Variants in MMS19 observed in about 807,000 individuals in gnomAD.
MMS19 encodes the protein MMS19 cytosolic iron-sulfur assembly component.
Under a neutral mutation model 129.8 loss-of-function variants are expected in MMS19, and 77 were observed. That is an observed-to-expected ratio of 0.59 (90% CI 0.49 to 0.72). The LOEUF is 0.72. Among genes scored for constraint, MMS19 ranks in the 30% least tolerant of loss-of-function variants. The pLI, the probability that MMS19 is intolerant of heterozygous loss-of-function variation, is 0.00. For missense variants in MMS19, 1,168 were observed against 1,266.3 expected (o/e 0.92, Z 1.18); for synonymous variants, 491 against 502.8 (o/e 0.98, Z 0.31).
At chr10:97,494,438 A>G (rs1226296195) in intron 1 of MMS19, among the ~76,000 whole-genome samples, 4 of 152,194 alleles carry the variant, frequency 2.6e-5, no homozygotes, top group African/African-American at 9.7e-5. Flanking sequence ...GGAGGATGAG[A>G]AGGAGCAGGA....
intron 17 of MMS19, 27 bp from the exon 18 acceptor site, chr10:97,465,981 T>G (rs2236575): frequency 1.2e-6 from 2 of 1,612,874 alleles, no homozygotes; most frequent in African/African-American, 2.7e-5. Flanking sequence ...AGACAAAGGT[T>G]TACTGTGTGA....
intron 3 of MMS19, among the ~76,000 whole-genome samples, chr10:97,479,009 T>C (rs547762656): frequency 2.6e-5 from 4 of 151,870 alleles, no homozygotes; most frequent in African/African-American, 9.7e-5. Context: ...AGCCCAGAGG[T>C]TTAAGGCCAC....
intron 1 of MMS19, among the ~76,000 whole-genome samples, chr10:97,485,036 A>C (rs1349208981): frequency 5.3e-5 from 8 of 152,166 alleles, no homozygotes; most frequent in Admixed American, 5.2e-4. Flanking sequence ...CAGTCTCCCA[A>C]AGTGCTGGGA....
At chr10:97,471,308 T>C (rs1030142564) in intron 8 of MMS19, among the ~76,000 whole-genome samples, 3 of 152,158 alleles carry the variant, frequency 2.0e-5, no homozygotes, top group Admixed American at 6.5e-5. Context: ...GATTTCATTT[T>C]GTGGTTGTAC....
Position 97,462,092 on chromosome 10 carries a change from A to C in MMS19, c.2040T>G (p.Ile680Met), listed in dbSNP as rs1272155170. Residue 680 changes from isoleucine (I) to methionine (M), a missense_variant, in exon 21 of 31, where the codon ATT becomes ATG. Physicochemically the swap from Ile to Met is conservative, Grantham distance 10 (BLOSUM62 1). Coordinates refer to ENST00000438925, the MANE Select transcript of MMS19 (RefSeq NM_022362.5). Reference protein sequence around the residue: ...PELAAQSVTHIVPLFLDGNVS... With the variant: ...PELAAQSVTHMVPLFLDGNVS... Reference sequence around the variant, plus strand: ...CGTTGCCATCCAAGAAGAGGGGCACAATGTGTGTCACACTCTGGGCAGCTA... The same window carrying C: ...CGTTGCCATCCAAGAAGAGGGGCACCATGTGTGTCACACTCTGGGCAGCTA... The C allele has an allele frequency of 6.3e-7, 1 of 1,584,366 alleles. No individual in the cohort carries two copies. The highest frequency in any genetic ancestry group is 1.2e-5 in the South Asian group (1 of 86,376).
chr10:97,484,057 A>G, intron 2 of MMS19, 46 bp downstream of exon 2: 1 of 1,302,648 alleles, frequency 7.7e-7, no homozygotes, highest in Non-Finnish European at 1.1e-6. Flanking sequence ...TTTTCAGAAT[A>G]CACAGTCAGG....
intron 8 of MMS19, 105 bp from the exon 9 acceptor site, chr10:97,470,966 T>G: frequency 2.8e-6 from 2 of 715,244 alleles, no homozygotes; most frequent in South Asian, 5.3e-5. Flanking sequence ...TCATACCCAA[T>G]CAGGGAAGAT....
intron 1 of MMS19, among the ~76,000 whole-genome samples, chr10:97,494,797 C>T (rs559492683): frequency 6.6e-6 from 1 of 152,272 alleles, no homozygotes; most frequent in African/African-American, 2.4e-5. Flanking sequence ...TCTTAGAGTC[C>T]TCTATCTCCT....
rs1235285339 is a variant in MMS19 at position 97,494,103 on chromosome 10, A to C, written c.112+4170T>G. ...GCACTTGGACTCCTGGGATGAAGAA[A>C]GCTAACAGAGAGTTAATTTTCCTAA... On this transcript the variant is annotated intron_variant, in intron 1 of 30. Transcript: ENST00000438925. Among the ~76,000 whole-genome samples the C allele has an allele frequency of 2.6e-5, 4 of 152,356 alleles. No individual in the cohort carries two copies. The East Asian group carries it at 5.8e-4, about 22-fold the overall frequency.
At chr10:97,489,795 T>C (rs1262104082) in intron 1 of MMS19, among the ~76,000 whole-genome samples, 1 of 152,228 alleles carries the variant, frequency 6.6e-6, no homozygotes, top group African/African-American at 2.4e-5. Context: ...ATTTGTTTGA[T>C]GTTTCCCTCA....
intron 1 of MMS19, among the ~76,000 whole-genome samples, chr10:97,491,226 A>G (rs1354496409): frequency 6.6e-6 from 1 of 152,228 alleles, no homozygotes; most frequent in African/African-American, 2.4e-5. Context: ...AAAGGATATC[A>G]ATGAACTGAA....
Position 97,465,904 on chromosome 10 carries a change from G to A in MMS19, c.1657C>T (p.Leu553=). 1 of 1,614,016 alleles carries A rather than the reference G, an allele frequency of 6.2e-7. No homozygotes were observed. Among genetic ancestry groups the A allele is most frequent in the Non-Finnish European group, 8.5e-7 (1 of 1,179,894 alleles). ...GCTGACAAGGCTTGCAGACAGCACA[G>A]ATGCCGGGAGCATTGGGTGGGCTCA... ...GDEPTQCSRH[L]CCLQALSAVS... The change falls in exon 18 of 31, where the codon CTG becomes TTG. Residue 553 remains leucine, a synonymous_variant. Coordinates refer to ENST00000438925, the MANE Select transcript of MMS19 (RefSeq NM_022362.5).
At chr10:97,478,150 AG>A (rs775708385) in intron 4 of MMS19, among the ~76,000 whole-genome samples, 153 bp downstream of exon 4, 3 of 152,196 alleles carry the variant, frequency 2.0e-5, no homozygotes, top group African/African-American at 7.2e-5. Flanking sequence ...TACTCTCTAG[AG>A]GGAAAACGGA....
chr10:97,498,695 C>T (rs889775818), upstream of MMS19: 161 of 403,592 alleles, frequency 4.0e-4, no homozygotes, highest in Middle Eastern at 2.0e-3. Flanking sequence ...GCGGTACGCA[C>T]CACGGGGGAA....
At position 97,498,408 on chromosome 10, in the gene MMS19, G is replaced by T; in HGVS notation, c.-24C>A. ...ATAACGCGAACTAGAGACCGTGGGA[G>T]GGGATATGGGCGGTGGCTCGAGACG... On this transcript the variant is annotated 5_prime_UTR_variant, in exon 1 of 31. Transcript: ENST00000438925. 1 of 1,576,276 alleles carries T rather than the reference G, an allele frequency of 6.3e-7. No homozygotes were observed. The highest frequency in any genetic ancestry group is 1.1e-5 in the South Asian group (1 of 87,528).
At chr10:97,487,573 C>T (rs2038140538) in intron 1 of MMS19, among the ~76,000 whole-genome samples, 2 of 151,962 alleles carry the variant, frequency 1.3e-5, no homozygotes, top group Non-Finnish European at 2.9e-5. Flanking sequence ...CTGGCCTTGG[C>T]CTCCCAAAGT....
In MMS19 at chr10:97,458,393, T is replaced by C. The variant is rs1433137507; in HGVS notation, c.*299A>G. ...CCAGCCCTGGTCCTCAGGGCCACAC[T>C]CATATGCACTCACCCCTCAGCAGCA... On this transcript the variant is annotated 3_prime_UTR_variant, in exon 31 of 31. Transcript: ENST00000438925. 1.5e-5 allele frequency: 5 copies of C among 341,488 alleles called. No homozygotes were observed. In the East Asian group the frequency reaches 2.5e-4, roughly 17 times the overall value. 21.2% of individuals were successfully genotyped at this position (341,488 alleles called of 1,614,324 possible).
At chr10:97,478,022 G>A (rs29001281) in intron 4 of MMS19, 93 bp from the exon 5 acceptor site, 3 of 784,608 alleles carry the variant, frequency 3.8e-6, no homozygotes, top group Non-Finnish European at 6.2e-6. Context: ...GCTACTGTAA[G>A]AATCACAGCA....
At chr10:97,463,118 C>G (rs1279392650) in intron 19 of MMS19, 1 of 158,820 alleles carries the variant, frequency 6.3e-6, no homozygotes, top group Non-Finnish European at 1.4e-5. Context: ...GTGGCAGGTA[C>G]TATACACTAA....
Sources: gnomAD v4.1 joint callset for allele counts (sites outside exome capture counted in the v4.1 genomes callset) on GRCh38, gnomAD v4.1.1 for gene constraint, MANE v1.5 for transcripts, NCBI Gene and HGNC (gene_info 2026-07-23, HGNC 2026-07-21) for gene names.